JADE2: variants seen among roughly 807,000 people sequenced by gnomAD.
JADE2 encodes E3 ubiquitin-protein ligase Jade-2.
A neutral mutation model predicts 85.7 loss-of-function variants in JADE2; 13 were observed. The observed-to-expected ratio is 0.15, with a 90% CI of 0.10 to 0.24. The LOEUF (loss-of-function observed/expected upper bound fraction) is 0.24, where lower values mean the gene tolerates loss of function less well. Ranked by LOEUF, JADE2 falls within the 10% of genes least tolerant of loss-of-function variation. The pLI is 1.00. For missense variants in JADE2, 846 were observed against 1,115.9 expected, an observed-to-expected ratio of 0.76 and a Z score of 3.45; for synonymous variants, 440 against 456.1, an observed-to-expected ratio of 0.96 and a Z score of 0.45.
rs1172025828 is a variant in JADE2 at position 134,578,397 on chromosome 5, G to C, written c.1682-97G>C. 4 of 910,580 alleles carry C rather than the reference G, an allele frequency of 4.4e-6. 1 individual carries two copies. The highest frequency in any genetic ancestry group is 6.8e-6 in the Non-Finnish European group (4 of 584,198). 56.4% of individuals were successfully genotyped at this position (910,580 alleles called of 1,614,324 possible). A position where few individuals can be genotyped will look rare whatever the true frequency, so the allele number is the denominator to read the frequency against. On this transcript the variant is annotated intron_variant, in intron 11 of 11. Transcript: ENST00000681547. This position sits in a 1 kb window ranked among gnomAD's most constrained non-coding sequence, Gnocchi z 4.4. ...GTCTGGCACAGGGGGACAGAGAGAAGACGATGCCTGGTGGTGTGCTGGGAG... is the reference window on the plus strand; with the variant it reads ...GTCTGGCACAGGGGGACAGAGAGAACACGATGCCTGGTGGTGTGCTGGGAG...
chr5:134,547,871 G>A (rs1762383451), intron 3 of JADE2, among the ~76,000 whole-genome samples: 1 of 152,182 alleles, frequency 6.6e-6, no homozygotes, highest in Non-Finnish European at 1.5e-5. Context: ...CCTTCTAGTG[G>A]GGAAGACATG....
rs761984426 is a variant in JADE2 at position 134,566,401 on chromosome 5, C to G, written c.1255C>G (p.Leu419Val). ...EPAEVAERLD[L>V]AEALVDFIYQ... ...GGCTGAGGTGGCTGAGCGGCTGGAC[C>G]TGGCTGAGGCACTGGTCGACTTCAT... The change falls in exon 9 of 12, where the codon CTG (leucine) becomes GTG (valine). Residue 419 changes from leucine (L) to valine (V), a missense_variant. Physicochemically the swap from Leu to Val is conservative, Grantham distance 32. This residue lies in a region of JADE2 where 88 missense variants were observed against 140.6 expected (regional missense o/e 0.63). Coordinates refer to ENST00000681547, the MANE Select transcript of JADE2 (RefSeq NM_001388185.1). The surrounding 1 kb of genome is among the most constrained non-coding windows in gnomAD (Gnocchi z 6.7). 35 of 1,614,026 alleles carry G rather than the reference C, an allele frequency of 2.2e-5. No homozygotes were observed. The highest frequency in any genetic ancestry group is 2.9e-5 in the Non-Finnish European group (34 of 1,180,000).
chr5:134,539,079 T>TTTATTTA (rs1262992801), intron 3 of JADE2, among the ~76,000 whole-genome samples: 11 of 43,844 alleles, frequency 2.5e-4, no homozygotes, highest in African/African-American at 9.5e-4. Flanking sequence ...TTATTTATTT[T>TTTATTTA]GAGATGGAGT....
At position 134,525,696 on chromosome 5, in the gene JADE2, T is replaced by C; in HGVS notation, c.-316T>C. ...GAAACATACACAGGGGGTTGGTGAA[T>C]GGTGCCGACCGCGGCCATCGCAGTT... On this transcript the variant is annotated 5_prime_UTR_variant, in exon 1 of 12. The change abolishes an upstream ATG in the 5' untranslated region. Transcript: ENST00000681547. 8.0e-7 allele frequency: 1 copy of C among 1,246,822 alleles called. No homozygotes were observed. The highest frequency in any genetic ancestry group is 1.0e-6 in the Non-Finnish European group (1 of 973,102). 77.2% of individuals were successfully genotyped at this position (1,246,822 alleles called of 1,614,324 possible).
chr5:134,526,740 C>A, intron 1 of JADE2: 1 of 985,342 alleles, frequency 1.0e-6, no homozygotes, highest in Non-Finnish European at 1.2e-6. Context: ...TTTGGAGGGG[C>A]GGGGGACACC....
intron 1 of JADE2, among the ~76,000 whole-genome samples, chr5:134,530,615 G>T (rs764404123): frequency 9.2e-5 from 14 of 152,200 alleles, no homozygotes; most frequent in South Asian, 2.1e-4. Context: ...TCTTTAAAGG[G>T]GGCTGGCATT....
intron 3 of JADE2, 33 bp from the exon 4 acceptor site, chr5:134,552,019 T>C (rs1428745619): frequency 6.2e-7 from 1 of 1,612,956 alleles, no homozygotes; most frequent in African/African-American, 1.3e-5. Flanking sequence ...TGAGGCAGTC[T>C]GAAGTCACTC....
chr5:134,553,274 A>G (rs560824576), intron 4 of JADE2, among the ~76,000 whole-genome samples: 5 of 151,922 alleles, frequency 3.3e-5, no homozygotes, highest in East Asian at 1.9e-4. Flanking sequence ...CCCAGTCCCA[A>G]AGCAGTTCTG....
chr5:134,525,563 G>A (rs1760743861), upstream of JADE2: 1 of 499,976 alleles, frequency 2.0e-6, no homozygotes, highest in Non-Finnish European at 3.0e-6. Flanking sequence ...GAAAAAAGTG[G>A]CTACTCCCCC....
intron 3 of JADE2, among the ~76,000 whole-genome samples, chr5:134,538,778 C>T (rs1761760737): frequency 6.6e-6 from 1 of 152,018 alleles, no homozygotes; most frequent in Non-Finnish European, 1.5e-5. Flanking sequence ...ATTCATTGCA[C>T]TGACCACAGA....
At chr5:134,538,981 C>T (rs924852379) in intron 3 of JADE2, among the ~76,000 whole-genome samples, 2 of 151,424 alleles carry the variant, frequency 1.3e-5, no homozygotes, top group Non-Finnish European at 2.9e-5. Context: ...CTCAGCTTCC[C>T]GAGTAGCTGG....
intron 4 of JADE2, among the ~76,000 whole-genome samples, chr5:134,556,521 C>A (rs1430967905): frequency 1.0e-5 from 1 of 98,304 alleles, no homozygotes; most frequent in Non-Finnish European, 2.0e-5. Flanking sequence ...CATCACACAA[C>A]ACATACACAC....
chr5:134,561,993 T>C (rs1763350912), intron 6 of JADE2, among the ~76,000 whole-genome samples: 1 of 152,264 alleles, frequency 6.6e-6, no homozygotes, highest in East Asian at 1.9e-4. Flanking sequence ...TGGTGGCATT[T>C]CAGGCATACA....
At chr5:134,568,012 G>A (rs1437964479) in intron 9 of JADE2, among the ~76,000 whole-genome samples, 1 of 152,154 alleles carries the variant, frequency 6.6e-6, no homozygotes, top group Non-Finnish European at 1.5e-5. Context: ...GTCTTCTTTA[G>A]GCCACCATGT....
chr5:134,563,214 T>A (rs1287414522), intron 7 of JADE2, among the ~76,000 whole-genome samples: 2 of 150,552 alleles, frequency 1.3e-5, no homozygotes, highest in Non-Finnish European at 3.0e-5. Flanking sequence ...GTTATTTGGG[T>A]GGCTGAGGCA....
Position 134,566,071 on chromosome 5 carries a change from AC to A in JADE2, c.970-43del, listed in dbSNP as rs1381482999. 7 of 1,535,548 alleles carry A rather than the reference AC, an allele frequency of 4.6e-6. No homozygotes were observed. Among genetic ancestry groups the A allele is most frequent in the Non-Finnish European group, 6.2e-6 (7 of 1,120,908 alleles). ...AAGCCCCTCTGTCTTCTCCCCTCCC[AC>A]CAGGCTCCCTCCATGTCTGATCCTG... On this transcript the variant is annotated intron_variant, in intron 8 of 11. Transcript: ENST00000681547. This position sits in a 1 kb window ranked among gnomAD's most constrained non-coding sequence, Gnocchi z 6.7.
At chr5:134,560,084 G>A in intron 5 of JADE2, 94 bp downstream of exon 5, 2 of 1,403,642 alleles carry the variant, frequency 1.4e-6, no homozygotes, top group Non-Finnish European at 2.0e-6. Context: ...CAGGGCTATG[G>A]TATGGCATGG....
Position 134,566,250 on chromosome 5 carries a change from C to T in JADE2, c.1104C>T (p.Gly368=), listed in dbSNP as rs1267119339. 1 of 1,614,132 alleles carries T rather than the reference C, an allele frequency of 6.2e-7. No homozygotes were observed. Among genetic ancestry groups the T allele is most frequent in the South Asian group, 1.1e-5 (1 of 91,090 alleles). ...TCTGCCAGGAGCACAGTGACGGGGG[C>T]CCACGTAATGAGCCCACATCTGAGC... ...KSFCQEHSDG[G]PRNEPTSEPT... The change falls in exon 9 of 12, where the codon GGC becomes GGT. Residue 368 remains glycine, a synonymous_variant. Coordinates refer to ENST00000681547, the MANE Select transcript of JADE2 (RefSeq NM_001388185.1). This position sits in a 1 kb window ranked among gnomAD's most constrained non-coding sequence, Gnocchi z 6.7.
In JADE2 at chr5:134,577,507, G is replaced by A. The variant is rs114978851; in HGVS notation, c.1681+611G>A. Among the ~76,000 whole-genome samples the A allele has an allele frequency of 7.4e-3, 1,131 of 152,266 alleles. 14 individuals carry two copies. The highest frequency in any genetic ancestry group is 0.025 in the African/African-American group (1,057 of 41,546). ...CTTGCCTCTGGGATGGAAGCCCCAG[G>A]TCATCCTTTCTGTCCCTCTGTCTCA... On this transcript the variant is annotated intron_variant, in intron 11 of 11. Coordinates refer to ENST00000681547, the MANE Select transcript of JADE2 (RefSeq NM_001388185.1).
Sources: gnomAD v4.1 joint callset for allele counts (sites outside exome capture counted in the v4.1 genomes callset) on GRCh38, gnomAD v4.1.1 for gene constraint, gnomAD v4.1.1 regional missense constraint, Gnocchi (gnomAD v3.1) non-coding constraint, MANE v1.5 for transcripts, NCBI Gene and HGNC (gene_info 2026-07-23, HGNC 2026-07-21) for gene names.